The following TERF1 variants were observed in gnomAD, a reference collection of about 807,000 sequenced individuals.
TERF1 encodes telomeric repeat-binding factor 1.
TERF1 carries 20 observed loss-of-function variants against 55.1 expected under a neutral mutation model. That is an observed-to-expected ratio of 0.36 (90% CI 0.26 to 0.53). The LOEUF is 0.53. TERF1 is among the 20% of genes least tolerant of loss of function. The pLI is 0.91. For synonymous variants in TERF1, 168 were observed against 181.2 expected, an observed-to-expected ratio of 0.93 and a Z score of 0.59; for missense variants, 439 against 535.7, an observed-to-expected ratio of 0.82 and a Z score of 1.78.
chr8:73,037,015 AATATATAAT>A (rs1052927109), intron 8 of TERF1, among the ~76,000 whole-genome samples: 5 of 139,846 alleles, frequency 3.6e-5, no homozygotes, highest in African/African-American at 1.1e-4. Context: ...TATGTAATAT[AATATATAAT>A]ATATATAATA....
chr8:73,042,131 T>C (rs1809855922), intron 9 of TERF1, among the ~76,000 whole-genome samples: 1 of 152,146 alleles, frequency 6.6e-6, no homozygotes, highest in African/African-American at 2.4e-5. Flanking sequence ...ATTTCCAAGC[T>C]CTTCACATGT....
In TERF1 at chr8:73,038,626, A is replaced by C. The variant is rs550470123; in HGVS notation, c.1040-490A>C. The C allele has an allele frequency of 1.8e-4, 47 of 261,738 alleles. No individual in the cohort carries two copies. The East Asian group carries it at 8.2e-3, about 46-fold the overall frequency. 16.2% of individuals were successfully genotyped at this position (261,738 alleles called of 1,614,324 possible). On this transcript the variant is annotated intron_variant, in intron 8 of 9. Transcript: ENST00000276603. Reference sequence around the variant, plus strand: ...TGTGTATTGATCTTACTGATCTTTTAATTCTATTTGTAGATTCTCTTAGGT... The same window carrying C: ...TGTGTATTGATCTTACTGATCTTTTCATTCTATTTGTAGATTCTCTTAGGT...
intron 8 of TERF1, among the ~76,000 whole-genome samples, chr8:73,033,541 T>C (rs921252706): frequency 1.3e-5 from 2 of 152,102 alleles, no homozygotes; most frequent in African/African-American, 4.8e-5. Context: ...GAGACCAGCC[T>C]TGGCAACATG....
Position 73,026,921 on chromosome 8 carries a change from T to C in TERF1, c.775-19T>C. 2 of 1,588,454 alleles carry C rather than the reference T, an allele frequency of 1.3e-6. No individual in the cohort carries two copies. The highest frequency in any genetic ancestry group is 2.2e-5 in the East Asian group (1 of 44,696). ...ATGCATTTCTTCCTATCCTTCTACCTCCACGCACGTTTTTTAAGGCAGCGG... is the reference window on the plus strand; with the variant it reads ...ATGCATTTCTTCCTATCCTTCTACCCCCACGCACGTTTTTTAAGGCAGCGG... On this transcript the variant is annotated intron_variant, in intron 5 of 9. Transcript: ENST00000276603.
At chr8:73,010,449 A>G (rs1808236448) in intron 1 of TERF1, 1 of 152,238 alleles carries the variant, frequency 6.6e-6, no homozygotes, top group African/African-American at 2.4e-5. Context: ...TGTTTAGCTC[A>G]TGTAGGTATA....
intron 9 of TERF1, among the ~76,000 whole-genome samples, chr8:73,040,687 T>G (rs1809797146): frequency 6.6e-6 from 1 of 152,200 alleles, no homozygotes; most frequent in East Asian, 1.9e-4. Context: ...CTTCAAATCT[T>G]TCTTTTGTTC....
At chr8:73,026,015 CA>C (rs1382982000) in intron 5 of TERF1, among the ~76,000 whole-genome samples, 1 of 150,012 alleles carries the variant, frequency 6.7e-6, no homozygotes, top group East Asian at 2.0e-4. Context: ...GGCAACATGG[CA>C]AAACCCCATC....
chr8:73,009,320 T>G, intron 1 of TERF1, 115 bp downstream of exon 1: 10 of 349,010 alleles, frequency 2.9e-5, no homozygotes, highest in Non-Finnish European at 4.2e-5. Flanking sequence ...TGCGGCCGAT[T>G]AGCTGGGAGT....
chr8:73,024,442 C>T (rs1808894622), intron 4 of TERF1, among the ~76,000 whole-genome samples: 1 of 152,038 alleles, frequency 6.6e-6, no homozygotes, highest in Non-Finnish European at 1.5e-5. Flanking sequence ...AAAGGAATTC[C>T]TGGGAATGGT....
intron 9 of TERF1, among the ~76,000 whole-genome samples, chr8:73,044,011 C>T (rs754184001): frequency 1.3e-5 from 2 of 152,072 alleles, no homozygotes; most frequent in Admixed American, 6.6e-5. Flanking sequence ...CTGTGGAGTA[C>T]GTCTGTAAGA....
chr8:73,044,605 G>C (rs887252263), intron 9 of TERF1, among the ~76,000 whole-genome samples: 1 of 151,984 alleles, frequency 6.6e-6, no homozygotes, highest in Non-Finnish European at 1.5e-5. Flanking sequence ...CAGTTTGGTA[G>C]CATTAAATAT....
chr8:73,029,451 C>G (rs1468997193), intron 6 of TERF1, among the ~76,000 whole-genome samples: 1 of 151,952 alleles, frequency 6.6e-6, no homozygotes, highest in African/African-American at 2.4e-5. Flanking sequence ...ATGGCAGAAC[C>G]TTGTCTTTAC....
intron 9 of TERF1, among the ~76,000 whole-genome samples, chr8:73,044,812 C>T (rs1245011646): frequency 6.6e-6 from 1 of 152,030 alleles, no homozygotes; most frequent in African/African-American, 2.4e-5. Context: ...CTTTTTCTGT[C>T]TAACCTAATG....
intron 5 of TERF1, among the ~76,000 whole-genome samples, chr8:73,025,553 C>T (rs958955380): frequency 4.6e-5 from 7 of 151,194 alleles, no homozygotes; most frequent in East Asian, 2.0e-4. Flanking sequence ...GCGGATCACA[C>T]GGTCAGGTGG....
In TERF1 at chr8:73,045,710, G is replaced by A. The variant is rs959025746; in HGVS notation, c.1144-251G>A. Reference sequence around the variant, plus strand: ...AAAGTCAGACAAATTCAGTTGACATGTAGCACTGCCACTTTCTAGCTATCT... The same window carrying A: ...AAAGTCAGACAAATTCAGTTGACATATAGCACTGCCACTTTCTAGCTATCT... On this transcript the variant is annotated intron_variant, in intron 9 of 9. Coordinates refer to ENST00000276603, the MANE Select transcript of TERF1 (RefSeq NM_017489.3). Among the ~76,000 whole-genome samples the A allele has an allele frequency of 2.6e-5, 4 of 152,180 alleles. No individual in the cohort carries two copies. The East Asian group carries it at 7.7e-4, about 29-fold the overall frequency.
At chr8:73,030,090 A>G in intron 6 of TERF1, 1 of 331,668 alleles carries the variant, frequency 3.0e-6, no homozygotes, top group Non-Finnish European at 5.4e-6. Flanking sequence ...AAAGAGTGTT[A>G]TAAATGCTTG....
Position 73,013,886 on chromosome 8 carries a change from CTT to C in TERF1, c.320-4_320-3del, listed in dbSNP as rs773134805. The C allele has an allele frequency of 2.5e-6, 4 of 1,579,538 alleles. No homozygotes were observed. The highest frequency in any genetic ancestry group is 3.6e-5 in the Admixed American group (2 of 55,396). ...GATTTTAATAAAATTTACTTTTTTT[CTT>C]TTTTAGCTATTATTCATGGACTATC... On this transcript the variant is annotated splice_polypyrimidine_tract_variant and splice_region_variant and intron_variant, in intron 1 of 9. Transcript: ENST00000276603.
At chr8:73,013,536 C>A (rs1054997134) in intron 1 of TERF1, among the ~76,000 whole-genome samples, 1 of 151,990 alleles carries the variant, frequency 6.6e-6, no homozygotes, top group Non-Finnish European at 1.5e-5. Flanking sequence ...TAACTGAAAC[C>A]TAGATAGAAA....
chr8:73,012,749 C>A (rs1808335781), intron 1 of TERF1: 2 of 278,164 alleles, frequency 7.2e-6, no homozygotes, highest in Non-Finnish European at 1.5e-5. Context: ...AACATGCAAT[C>A]TGCAAAGCAC....
Sources: gnomAD v4.1 joint callset for allele counts (sites outside exome capture counted in the v4.1 genomes callset) on GRCh38, gnomAD v4.1.1 for gene constraint, MANE v1.5 for transcripts, NCBI Gene and HGNC (gene_info 2026-07-23, HGNC 2026-07-21) for gene names.